GRID2: variants seen among roughly 807,000 people sequenced by gnomAD.
GRID2 encodes the protein glutamate receptor ionotropic, delta-2.
GRID2 carries 33 observed loss-of-function variants against 114.8 expected under a neutral mutation model. The ratio of observed to expected loss-of-function variants is 0.29; its 90% CI spans 0.22 to 0.38. The LOEUF is 0.38. Ranked by LOEUF, GRID2 falls within the 10% of genes least tolerant of loss-of-function variation. The pLI, the probability that GRID2 is intolerant of heterozygous loss-of-function variation, is 1.00. For missense variants in GRID2, 1,184 were observed against 1,257.7 expected (o/e 0.94, Z 0.89); for synonymous variants, 505 against 449.9 (o/e 1.12, Z -1.55).
At chr4:92,580,758 G>A (rs1324561543) in intron 1 of GRID2, among the ~76,000 whole-genome samples, 4 of 151,878 alleles carry the variant, frequency 2.6e-5, no homozygotes, top group African/African-American at 9.7e-5. Flanking sequence ...GAAGTTGAAG[G>A]TAATACTAAA....
intron 4 of GRID2, among the ~76,000 whole-genome samples, chr4:93,134,982 T>C (rs1735116432): frequency 6.6e-6 from 1 of 152,142 alleles, no homozygotes. Context: ...CTTTCCTATA[T>C]TTATGATAAT....
At chr4:92,450,782 G>A (rs901210499) in intron 1 of GRID2, among the ~76,000 whole-genome samples, 1 of 149,512 alleles carries the variant, frequency 6.7e-6, no homozygotes, top group Middle Eastern at 3.2e-3. Context: ...GTGTAAAAGT[G>A]TGTTAATAAA....
chr4:93,127,234 G>A (rs1460087635), intron 4 of GRID2, among the ~76,000 whole-genome samples: 1 of 152,116 alleles, frequency 6.6e-6, no homozygotes, highest in Non-Finnish European at 1.5e-5. Context: ...ATCATGAAAT[G>A]CATTTTTTTT....
rs192244603 is a variant in GRID2 at position 93,153,866 on chromosome 4, A to G, written c.735+42913A>G. On this transcript the variant is annotated intron_variant, in intron 4 of 15. Transcript: ENST00000282020. ...TTTTATTTTGGTAAGAACACATAGCATGAGATCTACCTTCTTAACAGATTT... is the reference window on the plus strand; with the variant it reads ...TTTTATTTTGGTAAGAACACATAGCGTGAGATCTACCTTCTTAACAGATTT... 1.1e-3 allele frequency among the ~76,000 whole-genome samples: 161 copies of G among 152,142 alleles called. 1 individual carries two copies. The highest frequency in any genetic ancestry group is 3.7e-3 in the African/African-American group (152 of 41,520).
intron 1 of GRID2, among the ~76,000 whole-genome samples, chr4:92,397,040 G>GT (rs990047834): frequency 6.6e-6 from 1 of 151,412 alleles, no homozygotes; most frequent in African/African-American, 2.4e-5. Flanking sequence ...AAGTATTTTA[G>GT]TTTTTTTTCA....
intron 13 of GRID2, among the ~76,000 whole-genome samples, chr4:93,525,804 A>C (rs1399226913): frequency 6.6e-6 from 1 of 152,108 alleles, no homozygotes; most frequent in East Asian, 1.9e-4. Flanking sequence ...ACAGCCTCAT[A>C]CCCAAGTGAA....
chr4:92,634,041 G>A (rs925751646), intron 2 of GRID2, among the ~76,000 whole-genome samples: 1 of 151,276 alleles, frequency 6.6e-6, no homozygotes, highest in Non-Finnish European at 1.5e-5. Context: ...TTTTGATTCT[G>A]TGGGCCACAT....
chr4:93,663,155 C>T (rs1298725698), intron 14 of GRID2, among the ~76,000 whole-genome samples: 1 of 152,138 alleles, frequency 6.6e-6, no homozygotes, highest in Non-Finnish European at 1.5e-5. Flanking sequence ...GCTATCATAA[C>T]CCAAATTTCT....
chr4:92,953,494 ACAAT>A (rs922854541), intron 2 of GRID2, among the ~76,000 whole-genome samples: 8 of 152,158 alleles, frequency 5.3e-5, no homozygotes, highest in Non-Finnish European at 1.0e-4. Flanking sequence ...TTTCTGTGTC[ACAAT>A]CAATTTGGGA....
intron 8 of GRID2, among the ~76,000 whole-genome samples, chr4:93,254,625 A>C (rs1749365607): frequency 6.6e-6 from 1 of 152,290 alleles, no homozygotes; most frequent in South Asian, 2.1e-4. Context: ...AAATGAGATG[A>C]GAAATCTATC....
intron 2 of GRID2, among the ~76,000 whole-genome samples, chr4:92,721,479 A>C: frequency 6.6e-6 from 1 of 152,248 alleles, no homozygotes; most frequent in Non-Finnish European, 1.5e-5. Context: ...AGGGAAAATA[A>C]TATATTATTC....
chr4:93,624,815 G>A (rs1480874535), intron 13 of GRID2, among the ~76,000 whole-genome samples: 2 of 152,098 alleles, frequency 1.3e-5, no homozygotes, highest in Non-Finnish European at 1.5e-5. Context: ...AGGATAGTAG[G>A]TTGGGCTTTT....
intron 8 of GRID2, among the ~76,000 whole-genome samples, chr4:93,331,053 ACT>A (rs1758372106): frequency 6.6e-6 from 1 of 150,964 alleles, no homozygotes; most frequent in African/African-American, 2.4e-5. Flanking sequence ...TCTGTTCAAA[ACT>A]CTCCAAAATC....
At chr4:92,603,306 G>A (rs1729309220) in intron 2 of GRID2, among the ~76,000 whole-genome samples, 1 of 151,994 alleles carries the variant, frequency 6.6e-6, no homozygotes, top group Non-Finnish European at 1.5e-5. Flanking sequence ...CTATACTACA[G>A]GCTACAGTAA....
At chr4:93,787,283 A>T (rs1324341562) in intron 1 of GRID2, among the ~76,000 whole-genome samples, 2 of 152,146 alleles carry the variant, frequency 1.3e-5, no homozygotes, top group African/African-American at 4.8e-5. Flanking sequence ...CCATAGAGGC[A>T]TAGAGTCAAG....
chr4:93,629,948 G>A (rs1743091836), intron 14 of GRID2, among the ~76,000 whole-genome samples: 1 of 152,134 alleles, frequency 6.6e-6, no homozygotes, highest in Non-Finnish European at 1.5e-5. Context: ...TATGCTACAA[G>A]TACATACACT....
chr4:92,313,081 A>ATG (rs144557382), intron 1 of GRID2, among the ~76,000 whole-genome samples: 4,322 of 145,158 alleles, frequency 0.03, 96 homozygotes, highest in East Asian at 0.056. Flanking sequence ...AAACTCTGAT[A>ATG]TGTGTGTGTG....
chr4:93,163,372 A>ATGTATG (rs1553999436), intron 4 of GRID2, among the ~76,000 whole-genome samples: 2 of 53,896 alleles, frequency 3.7e-5, no homozygotes, highest in African/African-American at 1.4e-4. Context: ...ATATATATAT[A>ATGTATG]TATATATATA....
At chr4:93,593,912 C>T (rs1738714470) in intron 13 of GRID2, among the ~76,000 whole-genome samples, 2 of 151,884 alleles carry the variant, frequency 1.3e-5, no homozygotes, top group South Asian at 2.1e-4. Flanking sequence ...CCATCAGCTC[C>T]TTTAAGCACT....
Sources: gnomAD v4.1 joint callset for allele counts (sites outside exome capture counted in the v4.1 genomes callset) on GRCh38, gnomAD v4.1.1 for gene constraint, MANE v1.5 for transcripts, NCBI Gene and HGNC (gene_info 2026-07-23, HGNC 2026-07-21) for gene names.